CLSTN2: variants seen among roughly 807,000 people sequenced by gnomAD.
The protein encoded by CLSTN2 is calsyntenin 2.
In CLSTN2, 48 loss-of-function variants were observed where a neutral mutation model predicts 101.2. The ratio of observed to expected loss-of-function variants is 0.47; its 90% CI spans 0.38 to 0.60. The LOEUF (loss-of-function observed/expected upper bound fraction) is 0.60. CLSTN2 is among the 20% of genes least tolerant of loss of function. CLSTN2 has a pLI of 0.00. For synonymous variants in CLSTN2, 481 were observed against 463.6 expected (o/e 1.04, Z -0.48); for missense variants, 1,160 against 1,238.2 (o/e 0.94, Z 0.95).
At chr3:140,364,325 A>G (rs2087761163) in intron 2 of CLSTN2, among the ~76,000 whole-genome samples, 1 of 152,044 alleles carries the variant, frequency 6.6e-6, no homozygotes, top group Admixed American at 6.5e-5. Context: ...CTGGGGCTTG[A>G]TGGATTCTGT....
intron 8 of CLSTN2, among the ~76,000 whole-genome samples, chr3:140,499,221 G>A (rs1559887090): frequency 6.6e-6 from 1 of 152,156 alleles, no homozygotes; most frequent in Non-Finnish European, 1.5e-5. Flanking sequence ...CCACTATGGA[G>A]CCCTTACAGA....
chr3:139,942,545 A>T (rs542058695), intron 1 of CLSTN2, among the ~76,000 whole-genome samples: 4 of 152,272 alleles, frequency 2.6e-5, no homozygotes, highest in African/African-American at 9.6e-5. Context: ...TAAGAAGGGG[A>T]TGTTGAGAGG....
At chr3:140,418,692 A>G (rs759932547) in intron 4 of CLSTN2, among the ~76,000 whole-genome samples, 1 of 151,668 alleles carries the variant, frequency 6.6e-6, no homozygotes, top group Non-Finnish European at 1.5e-5. Context: ...TAATTTTTGT[A>G]GTTTTAGTAG....
At chr3:140,128,790 G>T (rs964728701) in intron 1 of CLSTN2, among the ~76,000 whole-genome samples, 5 of 152,156 alleles carry the variant, frequency 3.3e-5, no homozygotes, top group African/African-American at 9.7e-5. Flanking sequence ...CATTGATGGG[G>T]TCCATGTGGC....
intron 2 of CLSTN2, among the ~76,000 whole-genome samples, chr3:140,179,290 A>G (rs2010370765): frequency 6.6e-6 from 1 of 150,722 alleles, no homozygotes; most frequent in South Asian, 2.1e-4. Flanking sequence ...ATTTTAGTAT[A>G]TTTCCTTCTT....
At chr3:140,345,276 T>C (rs898286215) in intron 2 of CLSTN2, among the ~76,000 whole-genome samples, 2 of 149,044 alleles carry the variant, frequency 1.3e-5, no homozygotes, top group African/African-American at 2.5e-5. Context: ...GAGACAGAGT[T>C]TCACTCTTGT....
intron 2 of CLSTN2, among the ~76,000 whole-genome samples, chr3:140,240,379 A>C (rs1472358938): frequency 6.4e-3 from 3 of 468 alleles, no homozygotes; most frequent in African/African-American, 6.9e-3. Flanking sequence ...TACATGAACA[A>C]AAAAAAAAGT....
intron 1 of CLSTN2, among the ~76,000 whole-genome samples, chr3:140,136,063 C>T (rs1383874023): frequency 6.6e-6 from 1 of 152,164 alleles, no homozygotes; most frequent in Non-Finnish European, 1.5e-5. Context: ...TCCTTCAGAG[C>T]TTATTAAATA....
intron 2 of CLSTN2, among the ~76,000 whole-genome samples, chr3:140,392,322 G>A (rs966629801): frequency 6.6e-6 from 1 of 151,632 alleles, no homozygotes; most frequent in Non-Finnish European, 1.5e-5. Context: ...AATTGTTAAT[G>A]AGAAATTTTC....
intron 2 of CLSTN2, among the ~76,000 whole-genome samples, chr3:140,315,498 G>A (rs1419111488): frequency 6.6e-6 from 1 of 152,196 alleles, no homozygotes; most frequent in African/African-American, 2.4e-5. Context: ...GGCTAATTAT[G>A]AAAATGTTTA....
At chr3:140,550,183 A>G (rs1935677232) in intron 10 of CLSTN2, among the ~76,000 whole-genome samples, 1 of 151,668 alleles carries the variant, frequency 6.6e-6, no homozygotes, top group Admixed American at 6.6e-5. Flanking sequence ...CCCACCTATT[A>G]ACCATGTTTA....
At chr3:140,141,701 A>G (rs1419186861) in intron 1 of CLSTN2, among the ~76,000 whole-genome samples, 1 of 152,188 alleles carries the variant, frequency 6.6e-6, no homozygotes, top group Non-Finnish European at 1.5e-5. Flanking sequence ...CCGGGAACCC[A>G]GCCTCTAGCC....
intron 6 of CLSTN2, among the ~76,000 whole-genome samples, chr3:140,457,379 A>C (rs1337810120): frequency 6.6e-6 from 1 of 152,240 alleles, no homozygotes; most frequent in Non-Finnish European, 1.5e-5. Flanking sequence ...CCAACTTAAT[A>C]GGTCAAAGAA....
intron 2 of CLSTN2, among the ~76,000 whole-genome samples, chr3:140,369,768 T>C (rs1026778): frequency 0.43 from 65,442 of 151,862 alleles, 14,780 homozygotes; most frequent in Non-Finnish European, 0.5. Context: ...TAGCCTTGTA[T>C]TACTCACCAG....
intron 2 of CLSTN2, among the ~76,000 whole-genome samples, chr3:140,352,707 G>C (rs906202278): frequency 5.3e-5 from 8 of 152,148 alleles, no homozygotes; most frequent in African/African-American, 1.9e-4. Flanking sequence ...TGCTTCCTCA[G>C]AGCTGCTCTC....
Position 140,205,627 on chromosome 3 carries a change from C to CCA in CLSTN2, c.232+29567_232+29568dup, listed in dbSNP as rs773442632. ...TGTTTGGACCTGACCCGCCCCCCACCCACACACACACACAGCCACCTGCTA... is the reference window on the plus strand; with the variant it reads ...TGTTTGGACCTGACCCGCCCCCCACCCACACACACACACACAGCCACCTGCTA... On this transcript the variant is annotated intron_variant, in intron 2 of 16. Transcript: ENST00000458420. 1.5e-4 allele frequency among the ~76,000 whole-genome samples: 17 copies of CCA among 111,554 alleles called. 2 individuals carry two copies. Among genetic ancestry groups the CCA allele is most frequent in the Admixed American group, 1.0e-3 (10 of 9,830 alleles). The allele number at this position is 111,554 out of a possible 152,430, so 73.2% of individuals were successfully genotyped here. A position where few individuals can be genotyped will look rare whatever the true frequency, so the allele number is the denominator to read the frequency against.
In CLSTN2 at chr3:140,410,549, A is replaced by G. The variant is rs377082139; in HGVS notation, c.637+5783A>G. Among the ~76,000 whole-genome samples, 8 of 152,276 alleles carry G rather than the reference A, an allele frequency of 5.3e-5. No individual in the cohort carries two copies. In the South Asian group the frequency reaches 1.7e-3, roughly 32 times the overall value. ...TCACCACTAGACCTGCCTTACAGTA[A>G]ATGATAAGGGGAGTTTTTCAAGCTG... On this transcript the variant is annotated intron_variant, in intron 4 of 16. Coordinates refer to ENST00000458420, the MANE Select transcript of CLSTN2 (RefSeq NM_022131.3).
intron 8 of CLSTN2, among the ~76,000 whole-genome samples, chr3:140,527,671 T>G (rs1360644539): frequency 6.6e-6 from 1 of 152,162 alleles, no homozygotes; most frequent in Non-Finnish European, 1.5e-5. Flanking sequence ...CCAACCTAGG[T>G]GCCCATCAAC....
At chr3:140,356,756 CA>C (rs55634580) in intron 2 of CLSTN2, among the ~76,000 whole-genome samples, 60 of 111,114 alleles carry the variant, frequency 5.4e-4, no homozygotes, top group Middle Eastern at 4.9e-3. Context: ...GACCTTGTCT[CA>C]AAAAAAAAAA....
Sources: gnomAD v4.1 joint callset for allele counts (sites outside exome capture counted in the v4.1 genomes callset) on GRCh38, gnomAD v4.1.1 for gene constraint, MANE v1.5 for transcripts, NCBI Gene and HGNC (gene_info 2026-07-23, HGNC 2026-07-21) for gene names.